The following STK32B variants were observed in gnomAD, a reference collection of about 807,000 sequenced individuals.
STK32B encodes the protein serine/threonine kinase 32B.
A neutral mutation model predicts 52.6 loss-of-function variants in STK32B; 43 were observed. The ratio of observed to expected loss-of-function variants is 0.82; its 90% confidence interval spans 0.64 to 1.05. The LOEUF (loss-of-function observed/expected upper bound fraction) is 1.05. STK32B is among the 50% of genes least tolerant of loss of function. STK32B has a pLI of 0.00. For synonymous variants in STK32B, 238 were observed against 204.3 expected (o/e 1.17, Z -1.41); for missense variants, 621 against 534.6 (o/e 1.16, Z -1.59).
intron 3 of STK32B, among the ~76,000 whole-genome samples, chr4:5,203,143 G>C (rs1249663888): frequency 6.6e-6 from 1 of 152,150 alleles, no homozygotes; most frequent in African/African-American, 2.4e-5. Context: ...TCTTGTTGCT[G>C]TAATGAGTAA....
Position 5,284,465 on chromosome 4 carries a change from G to A in STK32B, c.261-46755G>A, listed in dbSNP as rs568786938. Reference sequence around the variant, plus strand: ...ATATAGTAAAACTACTCAAGGGTTCGTATGGTTTTTTTTGTCTTATCAATT... The same window carrying A: ...ATATAGTAAAACTACTCAAGGGTTCATATGGTTTTTTTTGTCTTATCAATT... On this transcript the variant is annotated intron_variant, in intron 3 of 11. Transcript: ENST00000282908. 4.6e-5 allele frequency among the ~76,000 whole-genome samples: 7 copies of A among 152,004 alleles called. No homozygotes were observed. In the East Asian group the frequency reaches 7.7e-4, roughly 17 times the overall value.
intron 1 of STK32B, among the ~76,000 whole-genome samples, chr4:5,101,937 A>G (rs1228266677): frequency 6.6e-6 from 1 of 152,200 alleles, no homozygotes; most frequent in Non-Finnish European, 1.5e-5. Context: ...TTATAAAGTC[A>G]TCTTCCATCC....
rs990859839 is a variant in STK32B, at chr4:5,051,606, G to A, written c.-258G>A. ...TCCCGGGCGGGCACTGGAGTAAGGA[G>A]CTGCGAGCGCAGCCCGAGGCGGGGC... On this transcript the variant is annotated 5_prime_UTR_variant, in exon 1 of 12. Coordinates refer to ENST00000282908, the MANE Select transcript of STK32B (RefSeq NM_018401.3). The A allele has an allele frequency of 2.2e-5, 11 of 491,290 alleles. No individual in the cohort carries two copies. The highest frequency in any genetic ancestry group is 1.7e-4 in the African/African-American group (8 of 48,330). 30.4% of individuals were successfully genotyped at this position (491,290 alleles called of 1,614,324 possible). A position where few individuals can be genotyped will look rare whatever the true frequency, so the allele number is the denominator to read the frequency against.
intron 1 of STK32B, among the ~76,000 whole-genome samples, chr4:5,074,383 A>G (rs1385612037): frequency 1.3e-5 from 2 of 151,354 alleles, no homozygotes; most frequent in Admixed American, 6.6e-5. Flanking sequence ...TTTTCCCCAA[A>G]TTTTCTATAT....
chr4:5,388,866 A>C (rs561565422), intron 4 of STK32B, among the ~76,000 whole-genome samples: 1 of 152,236 alleles, frequency 6.6e-6, no homozygotes, highest in Non-Finnish European at 1.5e-5. Context: ...TCTCCCTGAG[A>C]TATACTTGGG....
At chr4:5,459,872 G>A (rs764487767) in intron 8 of STK32B, among the ~76,000 whole-genome samples, 1 of 152,206 alleles carries the variant, frequency 6.6e-6, no homozygotes, top group East Asian at 1.9e-4. Flanking sequence ...TGCCCTAACA[G>A]TCCCTCACTG....
In STK32B at chr4:5,147,173, T is replaced by G. The variant is rs546942989; in HGVS notation, c.108+7213T>G. Among the ~76,000 whole-genome samples the G allele has an allele frequency of 6.6e-5, 10 of 152,208 alleles. No individual in the cohort carries two copies. In the East Asian group the frequency reaches 1.2e-3, roughly 18 times the overall value. On this transcript the variant is annotated intron_variant, in intron 2 of 11. Coordinates refer to ENST00000282908, the MANE Select transcript of STK32B (RefSeq NM_018401.3). ...TTCCCAAATAGTTGATGAAGTTTTT[T>G]GGGGGTACGGGGGACAGGGGGAAGA...
intron 11 of STK32B, among the ~76,000 whole-genome samples, chr4:5,471,732 C>T (rs989377896): frequency 6.6e-6 from 1 of 152,120 alleles, no homozygotes; most frequent in African/African-American, 2.4e-5. Context: ...AGTTTGGAAT[C>T]TTGCGCAGGA....
chr4:5,261,919 T>C (rs1447575493), intron 3 of STK32B, among the ~76,000 whole-genome samples: 1 of 152,124 alleles, frequency 6.6e-6, no homozygotes, highest in African/African-American at 2.4e-5. Flanking sequence ...TCAAATGCAA[T>C]TAAAAACTGC....
intron 7 of STK32B, among the ~76,000 whole-genome samples, chr4:5,452,148 G>A (rs1189978753): frequency 1.3e-5 from 2 of 152,164 alleles, no homozygotes; most frequent in African/African-American, 4.8e-5. Context: ...GGGGACATGA[G>A]GACTTTACCC....
At chr4:5,142,129 C>G (rs1716513772) in intron 2 of STK32B, among the ~76,000 whole-genome samples, 1 of 152,164 alleles carries the variant, frequency 6.6e-6, no homozygotes, top group Non-Finnish European at 1.5e-5. Context: ...TTGGGAATGT[C>G]CAATACACTA....
At chr4:5,432,069 G>A (rs1430718784) in intron 6 of STK32B, among the ~76,000 whole-genome samples, 2 of 152,182 alleles carry the variant, frequency 1.3e-5, no homozygotes, top group Non-Finnish European at 2.9e-5. Context: ...TACATCTGTT[G>A]AGAACTTACT....
At chr4:5,303,190 G>A (rs952494403) in intron 3 of STK32B, among the ~76,000 whole-genome samples, 4 of 152,006 alleles carry the variant, frequency 2.6e-5, no homozygotes, top group Admixed American at 6.6e-5. Context: ...CCTCAGGGTA[G>A]ATACCCAGGA....
At chr4:5,418,111 T>C (rs1310971365) in intron 6 of STK32B, among the ~76,000 whole-genome samples, 1 of 152,232 alleles carries the variant, frequency 6.6e-6, no homozygotes, top group Non-Finnish European at 1.5e-5. Flanking sequence ...AGCATGGCTA[T>C]CAGAAGGCTG....
At chr4:5,045,078 C>G in the STK32B span, among the ~76,000 whole-genome samples, 1 of 152,252 alleles carries the variant, frequency 6.6e-6, no homozygotes, top group Non-Finnish European at 1.5e-5. Context: ...AGTCTACTCT[C>G]AGCAGAGTTG....
chr4:5,320,054 G>A (rs1560316826), intron 3 of STK32B, among the ~76,000 whole-genome samples: 2 of 152,072 alleles, frequency 1.3e-5, no homozygotes, highest in Admixed American at 6.5e-5. Context: ...CTTGCAGGAG[G>A]GTGGAACAGA....
Position 5,390,337 on chromosome 4 carries a change from C to T in STK32B, c.435-7870C>T, listed in dbSNP as rs920154313. 7.9e-5 allele frequency among the ~76,000 whole-genome samples: 12 copies of T among 152,290 alleles called. No individual in the cohort carries two copies. The East Asian group carries it at 1.9e-3, about 24-fold the overall frequency. On this transcript the variant is annotated intron_variant, in intron 4 of 11. Coordinates refer to ENST00000282908, the MANE Select transcript of STK32B (RefSeq NM_018401.3). ...ATGGGCGTTTGGGTAGAGTGTCCAT[C>T]GACAGGAGCTGCAGAATTTCCCCTT... is the stretch of plus-strand genomic sequence containing the variant.
In STK32B at chr4:5,125,081, C is replaced by A. The variant is rs565216724; in HGVS notation, c.53-14824C>A. Among the ~76,000 whole-genome samples, 14 of 152,254 alleles carry A rather than the reference C, an allele frequency of 9.2e-5. No individual in the cohort carries two copies. The South Asian group carries it at 2.7e-3, about 29-fold the overall frequency. On this transcript the variant is annotated intron_variant, in intron 1 of 11. Transcript: ENST00000282908. ...AGGTGCTGAGAAGACTCCCAGCTCA[C>A]AACCAGCAAAGACACAGGGACCTTA...
At chr4:5,096,020 T>C (rs562676249) in intron 1 of STK32B, among the ~76,000 whole-genome samples, 6 of 152,390 alleles carry the variant, frequency 3.9e-5, no homozygotes, top group African/African-American at 1.4e-4. Flanking sequence ...TGTGGAATTA[T>C]GAAGATTTTC....
Sources: gnomAD v4.1 joint callset for allele counts (sites outside exome capture counted in the v4.1 genomes callset) on GRCh38, gnomAD v4.1.1 for gene constraint, MANE v1.5 for transcripts, NCBI Gene and HGNC (gene_info 2026-07-23, HGNC 2026-07-21) for gene names.